SPECC1: variants seen among roughly 807,000 people sequenced by gnomAD.
SPECC1 encodes sperm antigen with calponin homology and coiled-coil domains 1, also known as cytospin-B.
SPECC1 carries 62 observed loss-of-function variants against 104.1 expected under a neutral mutation model. The ratio of observed to expected loss-of-function variants is 0.60; its 90% CI spans 0.49 to 0.74. The LOEUF (loss-of-function observed/expected upper bound fraction) is 0.74, where lower values mean the gene tolerates loss of function less well. SPECC1 is among the 30% of genes least tolerant of loss of function. The pLI is 0.00. For missense variants in SPECC1, 1,306 were observed against 1,310.5 expected (o/e 1.00, Z 0.05); for synonymous variants, 513 against 501.6 (o/e 1.02, Z -0.30).
Position 20,127,148 on chromosome 17 carries a change from C to A in SPECC1, c.283+16586C>A, listed in dbSNP as rs74654653. Among the ~76,000 whole-genome samples the A allele has an allele frequency of 2.9e-3, 447 of 152,298 alleles. 19 individuals are homozygous for A. The East Asian group carries it at 0.083, about 28-fold the overall frequency. On this transcript the variant is annotated intron_variant, in intron 3 of 14. Transcript: ENST00000395527. The stretch of plus-strand genomic sequence containing the variant: ...TGATTTCTGTGCTTTCAAATTATTT[C>A]TTCATGACTTCTTGCTCAACTTTCA...
chr17:20,252,792 A>G (rs2039680432), intron 9 of SPECC1, among the ~76,000 whole-genome samples: 1 of 152,156 alleles, frequency 6.6e-6, no homozygotes, highest in Non-Finnish European at 1.5e-5. Flanking sequence ...GGTTGCTTCC[A>G]CGTCTTGGCT....
chr17:20,178,926 G>A (rs540104152), intron 3 of SPECC1, among the ~76,000 whole-genome samples: 37 of 152,194 alleles, frequency 2.4e-4, no homozygotes, highest in Admixed American at 9.8e-4. Context: ...TTCTAGGCAG[G>A]AAGATAGGTC....
At chr17:20,023,823 A>T (rs1369075302) in intron 1 of SPECC1, among the ~76,000 whole-genome samples, 1 of 150,994 alleles carries the variant, frequency 6.6e-6, no homozygotes, top group East Asian at 1.9e-4. Flanking sequence ...AAAAAAAAAC[A>T]TGGAAAGCAT....
At chr17:20,056,169 T>G (rs1012591174) in intron 1 of SPECC1, 1 of 152,266 alleles carries the variant, frequency 6.6e-6, no homozygotes, top group Non-Finnish European at 1.5e-5. Context: ...CCAAGAGATA[T>G]CTGCTGTGCA....
At chr17:20,092,425 C>G (rs2047442159) in intron 1 of SPECC1, among the ~76,000 whole-genome samples, 1 of 152,092 alleles carries the variant, frequency 6.6e-6, no homozygotes, top group Admixed American at 6.6e-5. Context: ...CTGTGTTTAT[C>G]TTTCAGCAGC....
intron 2 of SPECC1, among the ~76,000 whole-genome samples, chr17:20,104,944 CTGGAGAACCACCA>C (rs1408545358): frequency 6.6e-6 from 1 of 151,938 alleles, no homozygotes; most frequent in Non-Finnish European, 1.5e-5. Context: ...TGCTGCCAGC[CTGGAGAACCACCA>C]TGGAGAGCCA....
intron 4 of SPECC1, 64 bp from the exon 5 acceptor site, chr17:20,227,349 T>C (rs1045736895): frequency 5.6e-6 from 8 of 1,424,938 alleles, no homozygotes; most frequent in Non-Finnish European, 6.8e-6. Flanking sequence ...GGCCTTCTAG[T>C]GTACAGATCA....
intron 4 of SPECC1, 46 bp downstream of exon 4, chr17:20,205,958 C>T: frequency 6.4e-7 from 1 of 1,554,676 alleles, no homozygotes; most frequent in Non-Finnish European, 8.6e-7. Flanking sequence ...TCCTTGTTCA[C>T]ATTTCTGCCC....
chr17:20,232,310 A>T lies in SPECC1; in HGVS notation c.2256A>T (p.Lys752Asn). 1 of 1,614,062 alleles carries T rather than the reference A, an allele frequency of 6.2e-7. No individual in the cohort carries two copies. Among genetic ancestry groups the T allele is most frequent in the South Asian group, 1.1e-5 (1 of 91,070 alleles). Reference protein sequence around the residue: ...AQQELRTVKRKLLEEEEKNAR... With the variant: ...AQQELRTVKRNLLEEEEKNAR... ...AGGAGCTGCGCACCGTGAAGAGGAAACTGCTGGAGGAGGAGGAGAAGAATG... is the reference window on the plus strand; with the variant it reads ...AGGAGCTGCGCACCGTGAAGAGGAATCTGCTGGAGGAGGAGGAGAAGAATG... Residue 752 changes from lysine to asparagine, a missense_variant, in exon 7 of 15, where the codon AAA (lysine) becomes AAT (asparagine). Physicochemically the swap from Lys to Asn is moderately conservative, Grantham distance 94. Transcript: ENST00000395527.
At chr17:20,217,156 C>G (rs750399386) in intron 4 of SPECC1, among the ~76,000 whole-genome samples, 13 of 152,128 alleles carry the variant, frequency 8.5e-5, no homozygotes, top group Non-Finnish European at 1.6e-4. Context: ...ATTTCTCCCT[C>G]TCTTCATATG....
chr17:20,078,716 T>C (rs994486938), intron 1 of SPECC1, among the ~76,000 whole-genome samples: 1 of 152,200 alleles, frequency 6.6e-6, no homozygotes, highest in African/African-American at 2.4e-5. Flanking sequence ...TACAAACATA[T>C]TTATGTTAAA....
At chr17:20,276,225 T>A (rs988084178) in intron 12 of SPECC1, among the ~76,000 whole-genome samples, 1 of 152,208 alleles carries the variant, frequency 6.6e-6, no homozygotes, top group African/African-American at 2.4e-5. Context: ...CAAGCAATCC[T>A]CTTTTCTTAG....
intron 12 of SPECC1, among the ~76,000 whole-genome samples, chr17:20,270,458 A>AAC (rs2040367722): frequency 6.8e-6 from 1 of 148,098 alleles, no homozygotes; most frequent in East Asian, 2.0e-4. Context: ...AAAAAAAAAA[A>AAC]AAAAAAAAAC....
At chr17:20,112,166 T>G in intron 3 of SPECC1, 1 of 763,530 alleles carries the variant, frequency 1.3e-6, no homozygotes, top group South Asian at 1.3e-5. Context: ...CCTGATAGTA[T>G]GCTGGCCCAC....
chr17:20,149,572 G>A (rs1172263696), intron 3 of SPECC1, among the ~76,000 whole-genome samples: 1 of 152,190 alleles, frequency 6.6e-6, no homozygotes, highest in East Asian at 1.9e-4. Context: ...TGACTACACT[G>A]GGGGGAAATT....
intron 2 of SPECC1, among the ~76,000 whole-genome samples, chr17:20,105,549 A>G (rs2048157413): frequency 6.6e-6 from 1 of 152,036 alleles, no homozygotes. Context: ...ACCCTTGAAA[A>G]CAAAAACAAA....
intron 14 of SPECC1, among the ~76,000 whole-genome samples, chr17:20,310,442 T>C (rs899830612): frequency 4.6e-5 from 7 of 152,192 alleles, no homozygotes; most frequent in African/African-American, 1.7e-4. Flanking sequence ...TGTGAGATGA[T>C]GAGATCTTTA....
chr17:20,160,048 C>T (rs1385457077), intron 3 of SPECC1, among the ~76,000 whole-genome samples: 1 of 152,064 alleles, frequency 6.6e-6, no homozygotes, highest in Non-Finnish European at 1.5e-5. Context: ...AGTCCCAGTA[C>T]CAGCTTATTA....
intron 2 of SPECC1, among the ~76,000 whole-genome samples, chr17:20,098,643 C>A (rs1473401935): frequency 2.6e-5 from 4 of 152,226 alleles, no homozygotes; most frequent in African/African-American, 9.6e-5. Context: ...AGCTGTCCTT[C>A]GGATTGCCAG....
Sources: gnomAD v4.1 joint callset for allele counts (sites outside exome capture counted in the v4.1 genomes callset) on GRCh38, gnomAD v4.1.1 for gene constraint, MANE v1.5 for transcripts, NCBI Gene and HGNC (gene_info 2026-07-23, HGNC 2026-07-21) for gene names.